AUTS2: variants seen among roughly 807,000 people sequenced by gnomAD.
AUTS2 encodes autism susceptibility gene 2 protein.
In AUTS2, 17 loss-of-function variants were observed where a neutral mutation model predicts 112.4. The ratio of observed to expected loss-of-function variants is 0.15; its 90% CI spans 0.10 to 0.23. AUTS2 has a LOEUF of 0.23. AUTS2 is among the 10% of genes least tolerant of loss of function. AUTS2 has a pLI of 1.00. For synonymous variants in AUTS2, 751 were observed against 702.7 expected (o/e 1.07, Z -1.09); for missense variants, 1,510 against 1,701.6 (o/e 0.89, Z 1.98).
rs567082258 is a variant in AUTS2 at position 70,289,501 on chromosome 7, A to G, written c.661-146251A>G. Among the ~76,000 whole-genome samples, 6 of 152,332 alleles carry G rather than the reference A, an allele frequency of 3.9e-5. No homozygotes were observed. In the East Asian group the frequency reaches 7.7e-4, roughly 20 times the overall value. ...TACCTGAAACAGAAACATAAGATTT[A>G]CATCCCTCAGGCCCTCTTACCAGTA... is the stretch of plus-strand genomic sequence containing the variant. On this transcript the variant is annotated intron_variant, in intron 4 of 18. Coordinates refer to ENST00000342771, the MANE Select transcript of AUTS2 (RefSeq NM_015570.4).
intron 1 of AUTS2, among the ~76,000 whole-genome samples, chr7:69,638,465 C>A (rs1370701150): frequency 6.6e-6 from 1 of 152,142 alleles, no homozygotes; most frequent in Non-Finnish European, 1.5e-5. Flanking sequence ...ATGTTTTTCC[C>A]TTGATATGGT....
At chr7:70,536,182 T>C (rs1800307978) in intron 5 of AUTS2, among the ~76,000 whole-genome samples, 1 of 151,574 alleles carries the variant, frequency 6.6e-6, no homozygotes. Context: ...ATAAAATAAT[T>C]AGCCAGGTAG....
chr7:69,827,454 A>G (rs960941965), intron 1 of AUTS2, among the ~76,000 whole-genome samples: 4 of 152,112 alleles, frequency 2.6e-5, no homozygotes, highest in Non-Finnish European at 5.9e-5. Context: ...GAGGGGAAAA[A>G]AAAACCCCTA....
chr7:69,643,642 C>A (rs373900949), intron 1 of AUTS2, among the ~76,000 whole-genome samples: 2 of 152,120 alleles, frequency 1.3e-5, no homozygotes, highest in Non-Finnish European at 2.9e-5. Flanking sequence ...GCCAACCCCC[C>A]ACCCCGCCCC....
chr7:70,150,169 G>A (rs1807352274), intron 4 of AUTS2, among the ~76,000 whole-genome samples: 1 of 152,046 alleles, frequency 6.6e-6, no homozygotes, highest in South Asian at 2.1e-4. Flanking sequence ...ACATTTAAAT[G>A]GTTAGAGATT....
At chr7:70,030,818 C>T (rs1248009458) in intron 2 of AUTS2, among the ~76,000 whole-genome samples, 1 of 152,124 alleles carries the variant, frequency 6.6e-6, no homozygotes, top group Non-Finnish European at 1.5e-5. Flanking sequence ...CACAGAAAGA[C>T]CTAGTCCCTC....
intron 5 of AUTS2, among the ~76,000 whole-genome samples, chr7:70,626,396 CT>C (rs1446609460): frequency 4.4e-5 from 6 of 135,254 alleles, no homozygotes; most frequent in Non-Finnish European, 6.5e-5. Context: ...TATGTAAAAA[CT>C]TTTTTTTTTC....
At chr7:70,633,208 C>T (rs1285279470) in intron 5 of AUTS2, among the ~76,000 whole-genome samples, 1 of 152,142 alleles carries the variant, frequency 6.6e-6, no homozygotes, top group Non-Finnish European at 1.5e-5. Flanking sequence ...AGGGTCCCCC[C>T]ACCTCTTCAC....
At position 70,074,618 on chromosome 7, in the gene AUTS2, C is replaced by T. The variant is rs543058703; in HGVS notation, c.523-43514C>T. ...TTTATTCCAAAATCCCTTTTCCACT[C>T]CATTATACCCTGTCTAGTCCGGTCT... On this transcript the variant is annotated intron_variant, in intron 2 of 18. Transcript: ENST00000342771. 3.3e-5 allele frequency among the ~76,000 whole-genome samples: 5 copies of T among 152,304 alleles called. No homozygotes were observed. In the South Asian group the frequency reaches 8.3e-4, roughly 25 times the overall value.
intron 5 of AUTS2, among the ~76,000 whole-genome samples, chr7:70,550,230 CAA>C (rs1299041193): frequency 3.3e-5 from 5 of 152,152 alleles, no homozygotes; most frequent in Non-Finnish European, 7.3e-5. Flanking sequence ...CTGAGCAAGC[CAA>C]GACTCCAGTG....
At position 69,792,233 on chromosome 7, in the gene AUTS2, T is replaced by C. The variant is rs994740544; in HGVS notation, c.310-107053T>C. The stretch of plus-strand genomic sequence containing the variant: ...TATAGGCAAACACGTTAAGTTGTTG[T>C]TTTTTTTTTGTTTTGTTTTTTTTTA... On this transcript the variant is annotated intron_variant, in intron 1 of 18. Coordinates refer to ENST00000342771, the MANE Select transcript of AUTS2 (RefSeq NM_015570.4). Among the ~76,000 whole-genome samples the C allele has an allele frequency of 1.3e-4, 9 of 68,448 alleles. 1 individual carries two copies. The South Asian group carries it at 1.5e-3, about 11-fold the overall frequency. 44.9% of individuals were successfully genotyped at this position (68,448 alleles called of 152,430 possible).
At chr7:70,169,556 A>G (rs965347505) in intron 4 of AUTS2, among the ~76,000 whole-genome samples, 16 of 152,136 alleles carry the variant, frequency 1.1e-4, no homozygotes, top group South Asian at 2.1e-4. Flanking sequence ...ATTCTTAAAA[A>G]CAATTGTGAC....
intron 4 of AUTS2, among the ~76,000 whole-genome samples, chr7:70,210,067 A>T (rs1810775949): frequency 6.6e-6 from 1 of 152,174 alleles, no homozygotes; most frequent in Non-Finnish European, 1.5e-5. Context: ...TATAGGAATT[A>T]AACCGTGTGC....
At chr7:69,899,541 C>A (rs748483372) in intron 2 of AUTS2, 43 bp downstream of exon 2, 1 of 1,589,222 alleles carries the variant, frequency 6.3e-7, no homozygotes, top group Non-Finnish European at 8.6e-7. Flanking sequence ...CGGCAAAATC[C>A]CTTCCTTAGG....
chr7:70,569,188 C>T (rs770522827), intron 5 of AUTS2, among the ~76,000 whole-genome samples: 1 of 152,164 alleles, frequency 6.6e-6, no homozygotes, highest in Non-Finnish European at 1.5e-5. Context: ...TCAGCACTGG[C>T]GGTCCCCATG....
In AUTS2 at chr7:70,068,620, A is replaced by T. The variant is rs188886846; in HGVS notation, c.523-49512A>T. ...GCACATTACAGTCATAGTGGCAGTG[A>T]CTTGTAGGGACATTGTCCTGATACT... On this transcript the variant is annotated intron_variant, in intron 2 of 18. Coordinates refer to ENST00000342771, the MANE Select transcript of AUTS2 (RefSeq NM_015570.4). Among the ~76,000 whole-genome samples, 7 of 152,306 alleles carry T rather than the reference A, an allele frequency of 4.6e-5. No homozygotes were observed. In the East Asian group the frequency reaches 1.4e-3, roughly 29 times the overall value.
chr7:69,681,180 C>G (rs370602410), intron 1 of AUTS2, among the ~76,000 whole-genome samples: 1 of 152,232 alleles, frequency 6.6e-6, no homozygotes, highest in African/African-American at 2.4e-5. Context: ...TTGTTTTCAC[C>G]TCTTGGCTAT....
At chr7:70,567,447 G>A (rs1241349969) in intron 5 of AUTS2, among the ~76,000 whole-genome samples, 1 of 152,080 alleles carries the variant, frequency 6.6e-6, no homozygotes, top group Non-Finnish European at 1.5e-5. Context: ...CTGGCTCTTT[G>A]TCCTTGGGCA....
At chr7:69,996,164 G>C (rs568325094) in intron 2 of AUTS2, among the ~76,000 whole-genome samples, 1 of 152,172 alleles carries the variant, frequency 6.6e-6, no homozygotes, top group Admixed American at 6.5e-5. Context: ...TGGGTTGTTA[G>C]AGGTACTGTG....
Sources: gnomAD v4.1 joint callset for allele counts (sites outside exome capture counted in the v4.1 genomes callset) on GRCh38, gnomAD v4.1.1 for gene constraint, MANE v1.5 for transcripts, NCBI Gene and HGNC (gene_info 2026-07-23, HGNC 2026-07-21) for gene names.